FRMPD4: variants seen among roughly 807,000 people sequenced by gnomAD.
FRMPD4 encodes the protein FERM and PDZ domain-containing protein 4.
A neutral mutation model predicts 94.1 loss-of-function variants in FRMPD4; 22 were observed. That is an observed-to-expected ratio of 0.23 (90% confidence interval 0.17 to 0.33). The LOEUF is 0.33. Ranked by LOEUF, FRMPD4 falls within the 10% of genes least tolerant of loss-of-function variation. FRMPD4 has a pLI of 1.00. For missense variants in FRMPD4, 1,111 were observed against 1,339.9 expected (o/e 0.83, Z 2.67); for synonymous variants, 631 against 548.6 (o/e 1.15, Z -2.10).
chrX:12,400,559 C>T (rs2056596992), intron 1 of FRMPD4, among the ~76,000 whole-genome samples: 1 of 112,006 alleles, frequency 8.9e-6, no homozygotes, highest in Admixed American at 9.5e-5. Flanking sequence ...GAAAATATTA[C>T]TTTCTTGTAC....
intron 3 of FRMPD4, among the ~76,000 whole-genome samples, chrX:12,083,816 A>C (rs1485443359): frequency 8.9e-6 from 1 of 112,295 alleles, no homozygotes; most frequent in Non-Finnish European, 1.9e-5. Context: ...TCAGACTTGC[A>C]TGAGCCCTGT....
intron 4 of FRMPD4, among the ~76,000 whole-genome samples, chrX:12,635,988 A>G (rs1166423006): frequency 1.3e-4 from 15 of 111,759 alleles, no homozygotes; most frequent in Non-Finnish European, 2.8e-4. Flanking sequence ...CAGACATCAC[A>G]TTATTTCATC....
At chrX:12,145,663 G>A (rs1329857602) in intron 1 of FRMPD4, among the ~76,000 whole-genome samples, 1 of 112,913 alleles carries the variant, frequency 8.9e-6, no homozygotes, top group Non-Finnish European at 1.9e-5. Context: ...TACTGTGGCT[G>A]CTCTTGGGAG....
At position 11,869,605 on chromosome X, in the gene FRMPD4, A is replaced by T. The variant is rs60011635; in HGVS notation, c.-30+4389A>T. ...TGATTTGTCCATTGAAAATAATAGT[A>T]ATGTTAAAAGAAATGAAAATAATGT... On this transcript the variant is annotated intron_variant, in intron 2 of 18. Transcript: ENST00000640291. Among the ~76,000 whole-genome samples the T allele has an allele frequency of 4.7e-3, 531 of 111,808 alleles. 4 individuals are homozygous for T. Among genetic ancestry groups the T allele is most frequent in the African/African-American group, 0.017 (511 of 30,810 alleles).
chrX:12,275,590 T>C (rs749904242), intron 1 of FRMPD4, among the ~76,000 whole-genome samples: 53 of 107,983 alleles, frequency 4.9e-4, no homozygotes, highest in African/African-American at 1.8e-3. Flanking sequence ...GTGGATGCAG[T>C]AAGATGGAAT....
intron 3 of FRMPD4, among the ~76,000 whole-genome samples, chrX:11,989,674 C>T (rs1273173932): frequency 8.9e-6 from 1 of 112,050 alleles, no homozygotes; most frequent in African/African-American, 3.2e-5. Context: ...AGGATAAATG[C>T]TTGAGGGGAT....
intron 3 of FRMPD4, among the ~76,000 whole-genome samples, chrX:12,122,676 T>C (rs1601953203): frequency 1.8e-5 from 2 of 109,649 alleles, no homozygotes. Context: ...AGGGCTGAGC[T>C]CACAGATCAA....
intron 1 of FRMPD4, among the ~76,000 whole-genome samples, chrX:11,844,947 A>T (rs933405895): frequency 9.0e-6 from 1 of 111,429 alleles, no homozygotes; most frequent in Admixed American, 9.6e-5. Context: ...TTAAATTTAG[A>T]TGTTCTGGTT....
intron 1 of FRMPD4, among the ~76,000 whole-genome samples, chrX:12,406,324 G>C (rs2056666425): frequency 8.9e-6 from 1 of 111,887 alleles, no homozygotes; most frequent in African/African-American, 3.2e-5. Context: ...TATCCCCATA[G>C]GTCAAGTTTT....
Position 12,174,111 on chromosome X carries a change from T to C in FRMPD4, c.41+35099T>C, listed in dbSNP as rs73499381. ...ACATCTTCTGCCAAGGGCCACATAG[T>C]ACACATTTTCAGCTTTTTGGGCCAT... On this transcript the variant is annotated intron_variant, in intron 1 of 16. Coordinates refer to ENST00000675598, the MANE Select transcript of FRMPD4 (RefSeq NM_001368397.1). Among the ~76,000 whole-genome samples the C allele has an allele frequency of 5.1e-3, 571 of 111,837 alleles. 4 individuals are homozygous for C. Among genetic ancestry groups the C allele is most frequent in the African/African-American group, 0.017 (533 of 30,790 alleles).
intron 5 of FRMPD4, among the ~76,000 whole-genome samples, chrX:12,680,766 G>A (rs1809610248): frequency 9.0e-6 from 1 of 111,202 alleles, no homozygotes; most frequent in African/African-American, 3.3e-5. Context: ...ATAAATACAG[G>A]AATGAAGTTA....
At chrX:12,473,149 G>A (rs1398329773) in intron 1 of FRMPD4, among the ~76,000 whole-genome samples, 4 of 110,356 alleles carry the variant, frequency 3.6e-5, no homozygotes, top group African/African-American at 1.4e-4. Context: ...AGAGAGTGGG[G>A]GCCAATATTC....
intron 1 of FRMPD4, among the ~76,000 whole-genome samples, chrX:12,357,096 T>A (rs2055905786): frequency 8.9e-6 from 1 of 111,988 alleles, no homozygotes; most frequent in Admixed American, 9.5e-5. Context: ...ATTTTAAAAT[T>A]TTTCCTTGGA....
At chrX:12,034,676 C>T (rs2054710718) in intron 3 of FRMPD4, among the ~76,000 whole-genome samples, 1 of 111,910 alleles carries the variant, frequency 8.9e-6, no homozygotes, top group Non-Finnish European at 1.9e-5. Flanking sequence ...TGGGAAGGTA[C>T]ACTCAGCCAC....
chrX:12,141,602 G>A (rs1009319405), intron 1 of FRMPD4, among the ~76,000 whole-genome samples: 47 of 111,303 alleles, frequency 4.2e-4, no homozygotes, highest in South Asian at 3.9e-4. Flanking sequence ...TTGCTGCCAA[G>A]TGTTGGAATT....
intron 2 of FRMPD4, among the ~76,000 whole-genome samples, chrX:12,522,533 A>G (rs1346877260): frequency 9.0e-6 from 1 of 110,683 alleles, no homozygotes; most frequent in Non-Finnish European, 1.9e-5. Flanking sequence ...GGAAGATTAC[A>G]ATTTATAAAC....
chrX:12,404,772 A>T (rs920678199), intron 1 of FRMPD4, among the ~76,000 whole-genome samples: 2 of 111,811 alleles, frequency 1.8e-5, no homozygotes, highest in Non-Finnish European at 3.8e-5. Flanking sequence ...TGTCAGCCTC[A>T]GTGGTTTAAA....
intron 1 of FRMPD4, among the ~76,000 whole-genome samples, chrX:12,310,445 G>A (rs2055014284): frequency 8.9e-6 from 1 of 111,761 alleles, no homozygotes; most frequent in Non-Finnish European, 1.9e-5. Flanking sequence ...AAGGGGATGC[G>A]ATGGCTTGGC....
intron 5 of FRMPD4, among the ~76,000 whole-genome samples, chrX:12,681,733 G>A (rs2059974996): frequency 9.2e-6 from 1 of 109,125 alleles, no homozygotes; most frequent in South Asian, 4.0e-4. Flanking sequence ...GCACACACAC[G>A]CACCCCACAC....
Sources: allele counts gnomAD v4.1 joint callset (sites outside exome capture counted in the v4.1 genomes callset), GRCh38; gene constraint gnomAD v4.1.1; transcripts MANE v1.5; gene names NCBI Gene and HGNC (gene_info 2026-07-23, HGNC 2026-07-21).